FRMD4A: variants seen among roughly 807,000 people sequenced by gnomAD.
FRMD4A encodes FERM domain containing 4A.
FRMD4A carries 29 observed loss-of-function variants against 129.1 expected under a neutral mutation model. That is an observed-to-expected ratio of 0.22 (90% CI 0.17 to 0.31). The LOEUF is 0.31. Among genes scored for constraint, FRMD4A ranks in the 10% least tolerant of loss-of-function variants. The pLI, the probability that FRMD4A is intolerant of heterozygous loss-of-function variation, is 1.00. For synonymous variants in FRMD4A, 634 were observed against 571.6 expected, an observed-to-expected ratio of 1.11 and a Z score of -1.56; for missense variants, 1,272 against 1,375.8, an observed-to-expected ratio of 0.92 and a Z score of 1.19.
chr10:13,949,568 G>A (rs1449406612), intron 2 of FRMD4A, among the ~76,000 whole-genome samples: 2 of 152,166 alleles, frequency 1.3e-5, no homozygotes, highest in Non-Finnish European at 2.9e-5. Context: ...TGTTCTTGTA[G>A]CTCCACATAT....
chr10:13,927,522 T>G (rs969162332), intron 2 of FRMD4A, among the ~76,000 whole-genome samples: 1 of 152,220 alleles, frequency 6.6e-6, no homozygotes, highest in Middle Eastern at 3.2e-3. Context: ...TCAAGTGGTT[T>G]CTGCCTTTTC....
At chr10:14,131,396 GC>G (rs145039808) in intron 2 of FRMD4A, among the ~76,000 whole-genome samples, 150 of 149,048 alleles carry the variant, frequency 1.0e-3, no homozygotes, top group East Asian at 3.7e-3. Context: ...AACTCACTGT[GC>G]CCCCCCCGGC....
In FRMD4A at chr10:14,000,667, A is replaced by AG. The variant is rs1555009731; in HGVS notation, c.46-141756_46-141755insC. Among the ~76,000 whole-genome samples the AG allele has an allele frequency of 1.1e-3, 120 of 106,924 alleles. 2 individuals carry two copies. The highest frequency in any genetic ancestry group is 1.7e-3 in the Non-Finnish European group (82 of 49,618). The allele number at this position is 106,924 out of a possible 152,430, so 70.1% of individuals were successfully genotyped here. ...ACCTCAAAAAAAAAAAAAAAAAAAA[A>AG]AGAGAAGAAAGCTATGTCCCCTTTC... On this transcript the variant is annotated intron_variant, in intron 2 of 24. Coordinates refer to ENST00000357447, the MANE Select transcript of FRMD4A (RefSeq NM_018027.5).
At chr10:13,989,363 TTTC>T (rs1257088011) in intron 2 of FRMD4A, among the ~76,000 whole-genome samples, 1 of 152,204 alleles carries the variant, frequency 6.6e-6, no homozygotes, top group Non-Finnish European at 1.5e-5. Flanking sequence ...TTGATTTTTT[TTTC>T]TTTTTTTTGA....
chr10:14,167,879 T>C (rs747440746), intron 2 of FRMD4A, among the ~76,000 whole-genome samples: 1 of 152,098 alleles, frequency 6.6e-6, no homozygotes, highest in Non-Finnish European at 1.5e-5. Flanking sequence ...CAGGGAGCTA[T>C]AGGGCATCCC....
At chr10:14,262,989 G>A (rs1298261047) in intron 2 of FRMD4A, among the ~76,000 whole-genome samples, 1 of 152,250 alleles carries the variant, frequency 6.6e-6, no homozygotes. Flanking sequence ...CTGTCTGTCA[G>A]TGCAGGCGAG....
At chr10:13,819,008 A>G (rs1462224088) in intron 3 of FRMD4A, among the ~76,000 whole-genome samples, 3 of 152,072 alleles carry the variant, frequency 2.0e-5, no homozygotes, top group Non-Finnish European at 4.4e-5. Flanking sequence ...CATGCCTGTA[A>G]TCCCAGCTAC....
At chr10:14,095,944 C>T (rs544372900) in intron 2 of FRMD4A, among the ~76,000 whole-genome samples, 1 of 152,158 alleles carries the variant, frequency 6.6e-6, no homozygotes, top group African/African-American at 2.4e-5. Flanking sequence ...AAGTGGAAAA[C>T]TGGAATGCTA....
intron 2 of FRMD4A, among the ~76,000 whole-genome samples, chr10:14,308,864 C>G (rs1023199658): frequency 2.6e-5 from 4 of 152,120 alleles, no homozygotes; most frequent in Admixed American, 2.6e-4. Flanking sequence ...AAAACGTGAC[C>G]TACCAAATGA....
intron 2 of FRMD4A, among the ~76,000 whole-genome samples, chr10:14,163,578 CA>C (rs1841016238): frequency 6.6e-6 from 1 of 152,192 alleles, no homozygotes; most frequent in Admixed American, 6.5e-5. Flanking sequence ...ACATTTCTGA[CA>C]GAAGGAAACG....
intron 2 of FRMD4A, among the ~76,000 whole-genome samples, chr10:14,110,125 T>TAAAAA (rs1554761010): frequency 1.1e-5 from 1 of 89,518 alleles, no homozygotes. Context: ...CGAGATGCTG[T>TAAAAA]AAAAAAAAAA....
chr10:13,789,726 A>G (rs545068951), intron 5 of FRMD4A, among the ~76,000 whole-genome samples: 6 of 121,522 alleles, frequency 4.9e-5, no homozygotes, highest in African/African-American at 1.4e-4. Context: ...TTTGCAGTTC[A>G]AGGTGCTCTT....
At chr10:13,658,132 T>TAAAAAAAAAAAAAA (rs565374030) in intron 21 of FRMD4A, among the ~76,000 whole-genome samples, 4 of 81,240 alleles carry the variant, frequency 4.9e-5, no homozygotes, top group Non-Finnish European at 9.6e-5. Flanking sequence ...CTGTCTCTCT[T>TAAAAAAAAAAAAAA]AAAAAAAAAA....
At chr10:14,218,401 G>T (rs1490423372) in intron 2 of FRMD4A, among the ~76,000 whole-genome samples, 1 of 152,096 alleles carries the variant, frequency 6.6e-6, no homozygotes, top group Non-Finnish European at 1.5e-5. Context: ...ATCATCCTTT[G>T]GATTAACCCA....
chr10:13,766,796 C>G (rs779688574), intron 6 of FRMD4A, among the ~76,000 whole-genome samples: 1 of 152,152 alleles, frequency 6.6e-6, no homozygotes, highest in Admixed American at 6.5e-5. Flanking sequence ...GAAAGCTGGC[C>G]GGGCACAGTG....
chr10:14,023,122 T>C (rs570198020), intron 2 of FRMD4A, among the ~76,000 whole-genome samples: 1 of 152,168 alleles, frequency 6.6e-6, no homozygotes, highest in East Asian at 1.9e-4. Context: ...CATAAAGTCA[T>C]GACCCTGGCC....
intron 2 of FRMD4A, among the ~76,000 whole-genome samples, chr10:14,234,056 T>C (rs11258961): frequency 0.06 from 9,192 of 152,244 alleles, 381 homozygotes; most frequent in South Asian, 0.19. Context: ...GACTAATGTA[T>C]TGCCTCCCAA....
chr10:13,721,495 T>G (rs1489837935), intron 12 of FRMD4A, among the ~76,000 whole-genome samples: 1 of 151,756 alleles, frequency 6.6e-6, no homozygotes, highest in African/African-American at 2.4e-5. Context: ...AAAAAAGAAC[T>G]CGATAAGACT....
At chr10:14,134,135 T>C (rs1374130903) in intron 2 of FRMD4A, among the ~76,000 whole-genome samples, 1 of 151,242 alleles carries the variant, frequency 6.6e-6, no homozygotes, top group East Asian at 1.9e-4. Context: ...TGACTTTATC[T>C]TGGGCTTCAT....
Sources: allele counts gnomAD v4.1 joint callset (sites outside exome capture counted in the v4.1 genomes callset), GRCh38; gene constraint gnomAD v4.1.1; transcripts MANE v1.5; gene names NCBI Gene and HGNC (gene_info 2026-07-23, HGNC 2026-07-21).